The following BOC variants were observed in gnomAD, a reference collection of about 807,000 sequenced individuals.
BOC encodes BOC cell adhesion associated, oncogene regulated.
In BOC, 76 loss-of-function variants were observed where a neutral mutation model predicts 112.0. That is an observed-to-expected ratio of 0.68 (90% CI 0.56 to 0.82). The LOEUF (loss-of-function observed/expected upper bound fraction) is 0.82. BOC is among the 40% of genes least tolerant of loss of function. The pLI is 0.00. For synonymous variants in BOC, 580 were observed against 599.8 expected (o/e 0.97, Z 0.48); for missense variants, 1,309 against 1,511.7 (o/e 0.87, Z 2.22).
intron 4 of BOC, among the ~76,000 whole-genome samples, chr3:113,257,869 C>T (rs1452009019): frequency 3.3e-5 from 5 of 152,174 alleles, no homozygotes; most frequent in Non-Finnish European, 5.9e-5. Flanking sequence ...GTGCTGACTC[C>T]TATATTTGGA....
At chr3:113,260,033 G>C (rs1157052367) in intron 4 of BOC, among the ~76,000 whole-genome samples, 1 of 152,160 alleles carries the variant, frequency 6.6e-6, no homozygotes, top group Admixed American at 6.5e-5. Context: ...GTCTAGAGTA[G>C]GTTCTCTTCC....
chr3:113,232,102 C>T (rs1481945640), intron 2 of BOC, among the ~76,000 whole-genome samples: 2 of 152,182 alleles, frequency 1.3e-5, no homozygotes, highest in Non-Finnish European at 2.9e-5. Context: ...AGAATTATCC[C>T]CACCCCCTCT....
At chr3:113,271,653 G>A (rs1020191845) in intron 6 of BOC, 13 of 173,798 alleles carry the variant, frequency 7.5e-5, no homozygotes, top group Non-Finnish European at 1.4e-4. Flanking sequence ...TGGGGCCTCC[G>A]AAACTGTATA....
chr3:113,260,711 AC>A (rs1350719975), intron 4 of BOC, among the ~76,000 whole-genome samples: 39 of 127,180 alleles, frequency 3.1e-4, no homozygotes, highest in East Asian at 7.7e-4. Flanking sequence ...ACAGAACAGA[AC>A]AGAACAGAAA....
chr3:113,268,494 T>G, intron 5 of BOC, 49 bp downstream of exon 5: 1 of 1,586,404 alleles, frequency 6.3e-7, no homozygotes, highest in Non-Finnish European at 8.6e-7. Flanking sequence ...GAAGGGAAGC[T>G]GGCCTCCTCC....
At chr3:113,235,716 C>G (rs1459104829) in intron 2 of BOC, among the ~76,000 whole-genome samples, 2 of 152,182 alleles carry the variant, frequency 1.3e-5, no homozygotes, top group African/African-American at 4.8e-5. Flanking sequence ...CTAGAGCATT[C>G]TCCATGGATC....
At chr3:113,219,838 C>A (rs2107606531) in intron 2 of BOC, among the ~76,000 whole-genome samples, 1 of 152,290 alleles carries the variant, frequency 6.6e-6, no homozygotes, top group Non-Finnish European at 1.5e-5. Flanking sequence ...TCAGACTTCG[C>A]AGCTAGTGGT....
At chr3:113,273,542 A>G (rs745375107) in intron 8 of BOC, among the ~76,000 whole-genome samples, 12 of 152,348 alleles carry the variant, frequency 7.9e-5, no homozygotes, top group Non-Finnish European at 1.8e-4. Flanking sequence ...GTATTTTAAA[A>G]AAATATTTCT....
intron 2 of BOC, among the ~76,000 whole-genome samples, chr3:113,222,100 C>G (rs1271695126): frequency 2.0e-5 from 3 of 152,230 alleles, no homozygotes; most frequent in Non-Finnish European, 2.9e-5. Flanking sequence ...CCATCATTCT[C>G]TCTCCCTTCA....
At chr3:113,267,137 C>T (rs1255059706) in intron 4 of BOC, among the ~76,000 whole-genome samples, 1 of 152,166 alleles carries the variant, frequency 6.6e-6, no homozygotes, top group East Asian at 1.9e-4. Context: ...TTTCTGAGTA[C>T]CTTTAAGAAG....
chr3:113,269,024 G>T (rs1383218779), intron 5 of BOC, among the ~76,000 whole-genome samples: 2 of 152,196 alleles, frequency 1.3e-5, no homozygotes, highest in African/African-American at 4.8e-5. Flanking sequence ...CTGAGATGCT[G>T]CTGTTCCATC....
intron 2 of BOC, among the ~76,000 whole-genome samples, chr3:113,221,010 A>G (rs16860667): frequency 0.085 from 12,984 of 152,100 alleles, 1,479 homozygotes; most frequent in African/African-American, 0.26. Context: ...GCCACTTCCA[A>G]GTTTGAGATT....
At chr3:113,273,009 C>T in intron 7 of BOC, 60 bp from the exon 8 acceptor site, 1 of 1,543,618 alleles carries the variant, frequency 6.5e-7, no homozygotes, top group South Asian at 1.2e-5. Context: ...CCCTCCCAGC[C>T]CATCTGGCCC....
chr3:113,213,999 G>A (rs957108591), intron 1 of BOC, among the ~76,000 whole-genome samples: 11 of 152,244 alleles, frequency 7.2e-5, no homozygotes, highest in African/African-American at 2.4e-4. Context: ...ATCCTCTATC[G>A]AGATACTTCA....
chr3:113,280,466 G>A (rs1559885057), intron 13 of BOC, 92 bp from the exon 14 acceptor site: 1 of 870,226 alleles, frequency 1.1e-6, no homozygotes, highest in East Asian at 2.5e-5. Context: ...TTCAAACTCT[G>A]GACTGGGGTA....
chr3:113,218,883 G>A (rs1401392465), intron 2 of BOC, among the ~76,000 whole-genome samples: 1 of 152,202 alleles, frequency 6.6e-6, no homozygotes, highest in Non-Finnish European at 1.5e-5. Flanking sequence ...CTTCAACAAT[G>A]GGAGAAGGGG....
At chr3:113,275,938 G>A (rs1266786272) in intron 9 of BOC, among the ~76,000 whole-genome samples, 1 of 152,162 alleles carries the variant, frequency 6.6e-6, no homozygotes, top group African/African-American at 2.4e-5. Context: ...TCCCTCTGCT[G>A]CCTCCCCAGA....
chr3:113,232,985 T>C (rs9825012), intron 2 of BOC, among the ~76,000 whole-genome samples: 9,060 of 152,276 alleles, frequency 0.059, 506 homozygotes, highest in African/African-American at 0.15. Context: ...GGAGGAATGT[T>C]GTCCATGTCG....
rs144333380 is a variant in BOC at position 113,255,062 on chromosome 3, C to T, written c.376+4229C>T. 1.7e-4 allele frequency among the ~76,000 whole-genome samples: 26 copies of T among 152,202 alleles called. No individual in the cohort carries two copies. The East Asian group carries it at 4.8e-3, about 28-fold the overall frequency. ...GCATGCTCTGTGGAGGTGCCCATCT[C>T]GCTGTCCTCTGAAGAGTTTTTTATT... On this transcript the variant is annotated intron_variant, in intron 4 of 19. Transcript: ENST00000682979.
Sources: allele counts gnomAD v4.1 joint callset (sites outside exome capture counted in the v4.1 genomes callset), GRCh38; gene constraint gnomAD v4.1.1; transcripts MANE v1.5; gene names NCBI Gene and HGNC (gene_info 2026-07-23, HGNC 2026-07-21).